The following CFAP44 variants were observed in gnomAD, a reference collection of about 807,000 sequenced individuals.
CFAP44 encodes cilia and flagella associated protein 44.
Under a neutral mutation model 216.2 loss-of-function variants are expected in CFAP44, and 134 were observed. That is an observed-to-expected ratio of 0.62 (90% confidence interval 0.54 to 0.72). CFAP44 has a LOEUF of 0.72. Among genes scored for constraint, CFAP44 ranks in the 30% least tolerant of loss-of-function variants. The probability of loss-of-function intolerance (pLI) is 0.00; values close to 1 mark genes in which losing one functional copy is unlikely to be tolerated. For synonymous variants in CFAP44, 700 were observed against 727.6 expected, an observed-to-expected ratio of 0.96 and a Z score of 0.61; for missense variants, 2,035 against 2,182.1, an observed-to-expected ratio of 0.93 and a Z score of 1.34.
In CFAP44 at chr3:113,351,706, C is replaced by T. The variant is rs1950446714; in HGVS notation, c.3066-6994G>A. 3.3e-5 allele frequency among the ~76,000 whole-genome samples: 5 copies of T among 152,108 alleles called. No individual in the cohort carries two copies. The South Asian group carries it at 1.0e-3, about 32-fold the overall frequency. On this transcript the variant is annotated intron_variant, in intron 22 of 34. Transcript: ENST00000393845. The stretch of plus-strand genomic sequence containing the variant: ...GAAATCAGACAACGCCTTTCAAACT[C>T]TCATACCAACCTCTGGAGTTGGGCG...
intron 12 of CFAP44, 51 bp downstream of exon 12, chr3:113,400,494 A>G: frequency 6.9e-7 from 1 of 1,447,294 alleles, no homozygotes; most frequent in Non-Finnish European, 9.3e-7. Context: ...ATTTTATTGC[A>G]AATAAAACAA....
chr3:113,346,874 T>C (rs1950389647), intron 22 of CFAP44, among the ~76,000 whole-genome samples: 1 of 152,152 alleles, frequency 6.6e-6, no homozygotes, highest in African/African-American at 2.4e-5. Flanking sequence ...GTTTTTTTGC[T>C]CTTCACAATA....
At chr3:113,374,926 G>A (rs549814100) in intron 17 of CFAP44, among the ~76,000 whole-genome samples, 7 of 152,262 alleles carry the variant, frequency 4.6e-5, no homozygotes, top group South Asian at 4.1e-4. Flanking sequence ...GTGAGCCACC[G>A]TGCCTGGCCC....
intron 6 of CFAP44, among the ~76,000 whole-genome samples, chr3:113,411,322 A>G (rs1384689735): frequency 1.3e-5 from 2 of 152,154 alleles, no homozygotes; most frequent in Admixed American, 6.5e-5. Flanking sequence ...TAATTTTTGT[A>G]TAAGGTGTAA....
intron 2 of CFAP44, among the ~76,000 whole-genome samples, chr3:113,427,988 C>T (rs1935006584): frequency 5.9e-5 from 9 of 152,206 alleles, no homozygotes; most frequent in African/African-American, 1.9e-4. Flanking sequence ...TGAGATGAGG[C>T]TAAAAGATTA....
intron 28 of CFAP44, among the ~76,000 whole-genome samples, chr3:113,325,229 G>C (rs1409000382): frequency 6.7e-6 from 1 of 150,140 alleles, no homozygotes; most frequent in Non-Finnish European, 1.5e-5. Context: ...GTGAACCCGA[G>C]GGCGGAGCTT....
At chr3:113,350,400 G>C (rs913079217) in intron 22 of CFAP44, among the ~76,000 whole-genome samples, 1 of 151,928 alleles carries the variant, frequency 6.6e-6, no homozygotes, top group African/African-American at 2.4e-5. Flanking sequence ...GAGAGGAAGA[G>C]ACAGACAAAG....
chr3:113,320,350 A>C (rs1355032471), intron 28 of CFAP44, among the ~76,000 whole-genome samples: 3 of 146,956 alleles, frequency 2.0e-5, no homozygotes, highest in Non-Finnish European at 3.0e-5. Context: ...CCTGAATCTC[A>C]AGATATCCCA....
intron 22 of CFAP44, among the ~76,000 whole-genome samples, chr3:113,345,806 T>A (rs1950375961): frequency 6.6e-6 from 1 of 152,238 alleles, no homozygotes; most frequent in Admixed American, 6.5e-5. Context: ...TTGTATAGAT[T>A]GATTATTCCT....
chr3:113,328,066 C>T (rs1488841228), intron 26 of CFAP44, among the ~76,000 whole-genome samples: 1 of 151,916 alleles, frequency 6.6e-6, no homozygotes, highest in Admixed American at 6.6e-5. Context: ...ATTAACTAAG[C>T]CATCAATCAA....
chr3:113,320,238 C>G (rs976761017), intron 28 of CFAP44, among the ~76,000 whole-genome samples: 1 of 151,416 alleles, frequency 6.6e-6, no homozygotes, highest in Non-Finnish European at 1.5e-5. Flanking sequence ...CTCTCTCTCT[C>G]TCTCTCTCTC....
rs1336535480 is a variant in CFAP44, at chr3:113,379,300, A to C, written c.2298+6T>G. On this transcript the variant is annotated splice_donor_region_variant and intron_variant, in intron 17 of 34. Coordinates refer to ENST00000393845, the MANE Select transcript of CFAP44 (RefSeq NM_001164496.2). The stretch of plus-strand genomic sequence containing the variant: ...TTGAGGTAAAAATTATTACATTGTT[A>C]CTTACCAAAGAAACCCAGAACTTCC... The C allele has an allele frequency of 6.5e-7, 1 of 1,546,886 alleles. No homozygotes were observed. The highest frequency in any genetic ancestry group is 2.3e-5 in the East Asian group (1 of 44,094).
intron 15 of CFAP44, among the ~76,000 whole-genome samples, chr3:113,383,809 G>A (rs1933577081): frequency 6.6e-6 from 1 of 152,066 alleles, no homozygotes; most frequent in Non-Finnish European, 1.5e-5. Flanking sequence ...GTGCAGGTTT[G>A]TTACATAGGT....
At chr3:113,424,845 T>C (rs1934917676) in intron 4 of CFAP44, among the ~76,000 whole-genome samples, 1 of 152,210 alleles carries the variant, frequency 6.6e-6, no homozygotes, top group African/African-American at 2.4e-5. Flanking sequence ...AATTTAGGCA[T>C]ATTTGTCTAA....
At position 113,363,492 on chromosome 3, in the gene CFAP44, T is replaced by G; in HGVS notation, c.2756A>C (p.Asp919Ala). The change falls in exon 20 of 35, where the codon GAT (aspartate) becomes GCT (alanine). Residue 919 changes from aspartate (D) to alanine (A), a missense_variant. By Grantham distance (126) the Asp-to-Ala change is moderately radical (BLOSUM62 -2). This residue lies in a region of CFAP44 where 1,883 missense variants were observed against 2,023.7 expected (regional missense o/e 0.93). Coordinates refer to ENST00000393845, the MANE Select transcript of CFAP44 (RefSeq NM_001164496.2). Reference sequence around the variant, plus strand: ...ATTCCCATACCTGTAGGCTTTGGGATCTTCAATGTCTTCTGGAATTGGCTC... The same window carrying G: ...ATTCCCATACCTGTAGGCTTTGGGAGCTTCAATGTCTTCTGGAATTGGCTC... ...ETEPIPEDIE[D>A]PKAYSIENAR... 6.2e-7 allele frequency: 1 copy of G among 1,611,064 alleles called. No homozygotes were observed. Among genetic ancestry groups the G allele is most frequent in the South Asian group, 1.1e-5 (1 of 89,716 alleles).
intron 21 of CFAP44, among the ~76,000 whole-genome samples, chr3:113,362,213 C>T (rs1950547996): frequency 6.6e-6 from 1 of 152,082 alleles, no homozygotes; most frequent in African/African-American, 2.4e-5. Context: ...CAATTTTTGT[C>T]TGATACAGTG....
In CFAP44 at chr3:113,303,995, C is replaced by A; in HGVS notation, c.4998G>T (p.Gln1666His). The change falls in exon 32 of 35, where the codon CAG becomes CAT. Residue 1666 changes from glutamine to histidine, a missense_variant. By Grantham distance (24) the Gln-to-His change is conservative. Transcript: ENST00000393845. ...CTCTCCATTCTTTGTTAAGTTTTTG[C>A]TGCTTGGAATTTTCCTCCTGGAGCT... ...IHELQEENSK[Q>H]QKLNKEWRER... 6.5e-7 allele frequency: 1 copy of A among 1,537,644 alleles called. No homozygotes were observed. The highest frequency in any genetic ancestry group is 8.7e-7 in the Non-Finnish European group (1 of 1,147,018).
chr3:113,433,261 T>A (rs1935151402), intron 2 of CFAP44, among the ~76,000 whole-genome samples: 1 of 151,450 alleles, frequency 6.6e-6, no homozygotes, highest in South Asian at 2.1e-4. Context: ...AAACCCCATC[T>A]CTACTAAAAA....
At chr3:113,422,948 C>A (rs894988444) in intron 4 of CFAP44, among the ~76,000 whole-genome samples, 1 of 152,038 alleles carries the variant, frequency 6.6e-6, no homozygotes, top group Non-Finnish European at 1.5e-5. Flanking sequence ...CAAATTCTCC[C>A]CCTCTAAATT....
Sources: gnomAD v4.1 joint callset for allele counts (sites outside exome capture counted in the v4.1 genomes callset) on GRCh38, gnomAD v4.1.1 for gene constraint, gnomAD v4.1.1 regional missense constraint, MANE v1.5 for transcripts, NCBI Gene and HGNC (gene_info 2026-07-23, HGNC 2026-07-21) for gene names.